CUL5: variants seen among roughly 807,000 people sequenced by gnomAD.
CUL5 encodes the protein cullin-5.
CUL5 carries 26 observed loss-of-function variants against 108.8 expected under a neutral mutation model. That is an observed-to-expected ratio of 0.24 (90% CI 0.18 to 0.33). CUL5 has a LOEUF of 0.33. CUL5 is among the 10% of genes least tolerant of loss of function. CUL5 has a pLI of 1.00. For missense variants in CUL5, 524 were observed against 909.2 expected (o/e 0.58, Z 5.45); for synonymous variants, 334 against 298.0 (o/e 1.12, Z -1.25).
intron 7 of CUL5, among the ~76,000 whole-genome samples, chr11:108,063,404 A>G (rs2135161706): frequency 6.6e-6 from 1 of 152,230 alleles, no homozygotes; most frequent in Admixed American, 6.5e-5. Context: ...ATGGCTGAAT[A>G]GTACTCCATT....
intron 18 of CUL5, among the ~76,000 whole-genome samples, chr11:108,102,592 A>T (rs1864699860): frequency 6.6e-6 from 1 of 151,686 alleles, no homozygotes; most frequent in African/African-American, 2.4e-5. Flanking sequence ...CAACCTCCCA[A>T]ATTGCTGGGA....
At chr11:108,079,716 A>G (rs1442838462) in intron 11 of CUL5, among the ~76,000 whole-genome samples, 1 of 152,188 alleles carries the variant, frequency 6.6e-6, no homozygotes, top group African/African-American at 2.4e-5. Flanking sequence ...CATCGTACAA[A>G]GTTACTTCAT....
At chr11:108,085,491 A>G (rs1482774920) in intron 11 of CUL5, among the ~76,000 whole-genome samples, 7 of 152,218 alleles carry the variant, frequency 4.6e-5, no homozygotes, top group African/African-American at 1.7e-4. Context: ...AAGAAGTTCT[A>G]GAAATAGATA....
intron 1 of CUL5, among the ~76,000 whole-genome samples, chr11:108,017,312 C>A (rs1014613921): frequency 1.3e-5 from 2 of 150,982 alleles, no homozygotes; most frequent in African/African-American, 4.9e-5. Flanking sequence ...CTTGCTTGAG[C>A]CCAGGAGGTT....
chr11:108,101,694 G>A lies in CUL5; in HGVS notation c.2149-2496G>A, dbSNP rs185752853. 7.9e-5 allele frequency among the ~76,000 whole-genome samples: 12 copies of A among 152,276 alleles called. No homozygotes were observed. The East Asian group carries it at 2.3e-3, about 29-fold the overall frequency. On this transcript the variant is annotated intron_variant, in intron 18 of 18. Coordinates refer to ENST00000393094, the MANE Select transcript of CUL5 (RefSeq NM_003478.6). ...AAGTGCAGATTATTTCCCTCATACT[G>A]TGCTACTCTTTAAGTGACCTCCAGC...
intron 2 of CUL5, among the ~76,000 whole-genome samples, chr11:108,036,425 G>A (rs886203007): frequency 2.0e-5 from 3 of 152,166 alleles, no homozygotes; most frequent in African/African-American, 7.2e-5. Context: ...TATACATCTA[G>A]ATGCAATAGC....
chr11:108,047,347 C>T (rs1863092927), intron 3 of CUL5, among the ~76,000 whole-genome samples: 1 of 152,052 alleles, frequency 6.6e-6, no homozygotes, highest in South Asian at 2.1e-4. Context: ...AAGGTCTGGT[C>T]TGATGGCTAG....
chr11:108,074,594 C>T (rs1157312037), intron 10 of CUL5, among the ~76,000 whole-genome samples: 2 of 151,838 alleles, frequency 1.3e-5, no homozygotes, highest in African/African-American at 2.4e-5. Flanking sequence ...CACCTGAGGT[C>T]GGGAGTTCGA....
At chr11:108,086,816 A>T (rs1864231323) in intron 11 of CUL5, among the ~76,000 whole-genome samples, 1 of 152,224 alleles carries the variant, frequency 6.6e-6, no homozygotes, top group Non-Finnish European at 1.5e-5. Flanking sequence ...AGCAGCCTTC[A>T]GATGGCCTAA....
intron 4 of CUL5, among the ~76,000 whole-genome samples, chr11:108,050,437 G>C (rs967425245): frequency 6.6e-6 from 1 of 151,458 alleles, no homozygotes; most frequent in Non-Finnish European, 1.5e-5. Context: ...GGCGCAGTCT[G>C]CTCACTGCAA....
At chr11:108,064,299 C>T (rs1194365571) in intron 7 of CUL5, among the ~76,000 whole-genome samples, 3 of 152,186 alleles carry the variant, frequency 2.0e-5, no homozygotes, top group Admixed American at 2.0e-4. Context: ...ATTTTGTCTG[C>T]CATTCTGTTG....
intron 11 of CUL5, among the ~76,000 whole-genome samples, chr11:108,085,872 T>C (rs904320243): frequency 6.6e-6 from 1 of 152,164 alleles, no homozygotes; most frequent in East Asian, 1.9e-4. Context: ...TAAAATTTTA[T>C]TATGGTGATG....
At chr11:108,013,835 G>C (rs761066312) in intron 1 of CUL5, among the ~76,000 whole-genome samples, 16 of 152,096 alleles carry the variant, frequency 1.1e-4, no homozygotes, top group Non-Finnish European at 1.9e-4. Flanking sequence ...TTGGGAGGAT[G>C]AGGTGAGAGG....
intron 7 of CUL5, among the ~76,000 whole-genome samples, chr11:108,055,552 C>T (rs1236201705): frequency 6.6e-6 from 1 of 151,804 alleles, no homozygotes; most frequent in Non-Finnish European, 1.5e-5. Context: ...ATAAGGGCCC[C>T]TCCTGCCTCA....
At chr11:108,016,869 A>G (rs147416748) in intron 1 of CUL5, among the ~76,000 whole-genome samples, 2,096 of 152,308 alleles carry the variant, frequency 0.014, 45 homozygotes, top group African/African-American at 0.048. Flanking sequence ...GCAGTGGCTC[A>G]TGCCCAACAC....
intron 2 of CUL5, among the ~76,000 whole-genome samples, chr11:108,041,285 C>CTT (rs1218828144): frequency 6.3e-5 from 9 of 143,002 alleles, no homozygotes; most frequent in African/African-American, 1.8e-4. Flanking sequence ...TCTGTTTTTT[C>CTT]TTTTTTTTTT....
intron 1 of CUL5, among the ~76,000 whole-genome samples, chr11:108,025,929 C>T (rs4568970): frequency 2.0e-5 from 3 of 151,960 alleles, no homozygotes; most frequent in South Asian, 2.1e-4. Flanking sequence ...ACATTTGTAG[C>T]GCTCACCTCA....
chr11:108,040,516 G>A (rs1471054763), intron 2 of CUL5, among the ~76,000 whole-genome samples: 1 of 151,072 alleles, frequency 6.6e-6, no homozygotes, highest in Non-Finnish European at 1.5e-5. Flanking sequence ...GCCAGCTGAG[G>A]CACGAGAATT....
chr11:108,099,543 G>A (rs1018224052), intron 18 of CUL5, among the ~76,000 whole-genome samples: 1 of 152,124 alleles, frequency 6.6e-6, no homozygotes, highest in Non-Finnish European at 1.5e-5. Context: ...CAGAAGGAGA[G>A]TTGAATAAAT....
Sources: allele counts gnomAD v4.1 joint callset (sites outside exome capture counted in the v4.1 genomes callset), GRCh38; gene constraint gnomAD v4.1.1; transcripts MANE v1.5; gene names NCBI Gene and HGNC (gene_info 2026-07-23, HGNC 2026-07-21).